OTOG: variants seen among roughly 807,000 people sequenced by gnomAD.
OTOG encodes otogelin.
OTOG carries 296 observed loss-of-function variants against 313.8 expected under a neutral mutation model. The ratio of observed to expected loss-of-function variants is 0.94; its 90% CI spans 0.86 to 1.04. OTOG has a LOEUF of 1.04. Ranked by LOEUF, OTOG falls within the 50% of genes least tolerant of loss-of-function variation. The pLI is 0.00. For synonymous variants in OTOG, 1,533 were observed against 1,554.9 expected (o/e 0.99, Z 0.33); for missense variants, 3,948 against 3,840.1 (o/e 1.03, Z -0.74).
intron 4 of OTOG, 135 bp downstream of exon 4, chr11:17,552,210 C>T (rs562165111): frequency 1.1e-5 from 9 of 844,198 alleles, no homozygotes; most frequent in Admixed American, 6.7e-5. Context: ...CTCCTTCCAC[C>T]CACTCTGGCC....
At chr11:17,608,478 A>G (rs1255248621) in intron 34 of OTOG, 65 bp downstream of exon 34, 2 of 1,120,500 alleles carry the variant, frequency 1.8e-6, no homozygotes, top group South Asian at 1.7e-5. Context: ...GTGCACTCAC[A>G]TACACTTGTG....
chr11:17,642,250 AG>A lies in OTOG; in HGVS notation c.8415+5del. ...CAATGAGACTGAGTGTGCCAAGGTC[AG>A]TGCCTCCTTCTCCACTGAGGCTGTA... On this transcript the variant is annotated splice_donor_5th_base_variant and intron_variant, in intron 53 of 55. Coordinates refer to ENST00000399397, the MANE Select transcript of OTOG (RefSeq NM_001292063.2). 1 of 1,546,964 alleles carries A rather than the reference AG, an allele frequency of 6.5e-7. No homozygotes were observed. Among genetic ancestry groups the A allele is most frequent in the Non-Finnish European group, 8.7e-7 (1 of 1,144,810 alleles).
rs1385001435 is a variant in OTOG at position 17,611,142 on chromosome 11, G to A, written c.5842G>A (p.Glu1948Lys). 3.2e-6 allele frequency: 5 copies of A among 1,550,492 alleles called. No individual in the cohort carries two copies. The highest frequency in any genetic ancestry group is 3.9e-5 in the Admixed American group (2 of 51,006). The change falls in exon 36 of 56, where the codon GAG becomes AAG. Residue 1948 changes from glutamate to lysine, a missense_variant. Transcript: ENST00000399397. ...CCACCCTCTCACGCCCTTGGTGGCT[G>A]AGCCCGAGGGAGCCCAGGCAGGCAC... ...TSHPLTPLVA[E>K]PEGAQAGTAL...
chr11:17,570,092 G>A, intron 16 of OTOG, 121 bp from the exon 17 acceptor site: 1 of 863,606 alleles, frequency 1.2e-6, no homozygotes, highest in Non-Finnish European at 1.8e-6. Context: ...AGGCAGGCAG[G>A]CAGGCAGGGG....
intron 24 of OTOG, among the ~76,000 whole-genome samples, chr11:17,590,360 A>C (rs888825509): frequency 6.6e-6 from 1 of 152,026 alleles, no homozygotes; most frequent in Non-Finnish European, 1.5e-5. Context: ...CCTGGAGTCA[A>C]CCTCGAGTCT....
chr11:17,576,016 A>C (rs1381769247), intron 20 of OTOG, among the ~76,000 whole-genome samples: 2 of 152,196 alleles, frequency 1.3e-5, no homozygotes, highest in African/African-American at 4.8e-5. Flanking sequence ...GAAAGACAGC[A>C]TAAGAATCCC....
In OTOG at chr11:17,573,381, CCTCCAGT is replaced by C. The variant is rs1325889359; in HGVS notation, c.2293+96_2293+102del. The C allele has an allele frequency of 1.7e-5, 22 of 1,278,284 alleles. No homozygotes were observed. In the African/African-American group the frequency reaches 3.3e-4, roughly 19 times the overall value. The allele number at this position is 1,278,284 out of a possible 1,614,324, so 79.2% of individuals were successfully genotyped here. ...CCCCTGAAAGTCTCCACTGGGATGC[CCTCCAGT>C]CTCCTCCAGCCTGACTGCACCCAGA... On this transcript the variant is annotated intron_variant, in intron 19 of 55. Coordinates refer to ENST00000399397, the MANE Select transcript of OTOG (RefSeq NM_001292063.2).
intron 14 of OTOG, among the ~76,000 whole-genome samples, chr11:17,561,457 G>A (rs1852180880): frequency 6.6e-6 from 1 of 152,120 alleles, no homozygotes; most frequent in South Asian, 2.1e-4. Context: ...GATCCCCAGG[G>A]CAGGGCTGTA....
chr11:17,634,193 C>A lies in OTOG; in HGVS notation c.7392C>A (p.Pro2464=). The part of the protein sequence containing the change: ...DTIVPVDLGC[P]SPRPESCLRF... ...TTGTCCCGGTGGATCTGGGCTGCCC[C>A]AGTCCCCGCCCTGAGAGCTGCCTGC... The change falls in exon 44 of 56, where the codon CCC becomes CCA. Residue 2464 remains proline, a synonymous_variant. Coordinates refer to ENST00000399397, the MANE Select transcript of OTOG (RefSeq NM_001292063.2). 1.3e-6 allele frequency: 2 copies of A among 1,550,422 alleles called. No homozygotes were observed. The highest frequency in any genetic ancestry group is 2.4e-5 in the South Asian group (2 of 84,048).
intron 31 of OTOG, 83 bp downstream of exon 31, chr11:17,599,780 C>T (rs1282841383): frequency 4.8e-6 from 7 of 1,463,240 alleles, no homozygotes; most frequent in South Asian, 3.7e-5. Flanking sequence ...TCAGCCATCC[C>T]GAGGCGCTGC....
At position 17,633,673 on chromosome 11, in the gene OTOG, C is replaced by T. The variant is rs1854187550; in HGVS notation, c.7073-7C>T. 4 of 1,519,628 alleles carry T rather than the reference C, an allele frequency of 2.6e-6. No individual in the cohort carries two copies. The African/African-American group carries it at 5.5e-5, about 21-fold the overall frequency. 94.1% of individuals were successfully genotyped at this position (1,519,628 alleles called of 1,614,324 possible). ...AGGTAGGCCTGGTGCCCACTGTGCC[C>T]CTGCAGCCTTCCTGTGCTCCAGCGA... On this transcript the variant is annotated splice_polypyrimidine_tract_variant and splice_region_variant and intron_variant, in intron 42 of 55. Transcript: ENST00000399397.
chr11:17,623,162 T>C (rs1206702173), intron 39 of OTOG, among the ~76,000 whole-genome samples: 1 of 152,220 alleles, frequency 6.6e-6, no homozygotes, highest in Non-Finnish European at 1.5e-5. Flanking sequence ...TTTATAACTT[T>C]TAAGTTCAGG....
At chr11:17,604,978 G>A (rs565938164) in intron 32 of OTOG, among the ~76,000 whole-genome samples, 2 of 152,240 alleles carry the variant, frequency 1.3e-5, no homozygotes, top group Non-Finnish European at 2.9e-5. Flanking sequence ...GGGGACACAG[G>A]GGACACATGG....
At position 17,611,302 on chromosome 11, in the gene OTOG, A is replaced by G. The variant is rs1356037218; in HGVS notation, c.6002A>G (p.Glu2001Gly). 3.2e-6 allele frequency: 5 copies of G among 1,550,372 alleles called. No homozygotes were observed. The highest frequency in any genetic ancestry group is 4.4e-6 in the Non-Finnish European group (5 of 1,146,986). ...TCGGCAGGGCCTCACCTGGCAGCAG[A>G]GCCGGTGGACGAGGCCACCACAGAA... ...GTSAGPHLAA[E>G]PVDEATTEPS... is the part of the protein sequence containing the mutation. Residue 2001 changes from glutamate to glycine, a missense_variant, in exon 36 of 56, where the codon GAG (glutamate) becomes GGG (glycine). Coordinates refer to ENST00000399397, the MANE Select transcript of OTOG (RefSeq NM_001292063.2).
chr11:17,613,081 G>A lies in OTOG; in HGVS notation c.6438+316G>A, dbSNP rs74729979. Among the ~76,000 whole-genome samples, 588 of 152,324 alleles carry A rather than the reference G, an allele frequency of 3.9e-3. 3 individuals are homozygous for A. Among genetic ancestry groups the A allele is most frequent in the African/African-American group, 0.014 (563 of 41,584 alleles). ...TGCCACTGCAATGGTGTGGCCCGAG[G>A]TCATGGGTGCTGGCTGCAGGGAATC... On this transcript the variant is annotated intron_variant, in intron 38 of 55. Coordinates refer to ENST00000399397, the MANE Select transcript of OTOG (RefSeq NM_001292063.2).
At chr11:17,562,994 G>A (rs977899183) in intron 15 of OTOG, among the ~76,000 whole-genome samples, 1 of 152,126 alleles carries the variant, frequency 6.6e-6, no homozygotes, top group Non-Finnish European at 1.5e-5. Flanking sequence ...GAGGGCACAG[G>A]GTGGATCTCT....
chr11:17,580,882 A>G (rs577806043), intron 23 of OTOG, among the ~76,000 whole-genome samples: 1 of 152,298 alleles, frequency 6.6e-6, no homozygotes, highest in South Asian at 2.1e-4. Context: ...TTCAGGTAAA[A>G]CGTAGTGAAT....
intron 39 of OTOG, among the ~76,000 whole-genome samples, chr11:17,614,316 G>T (rs1853671894): frequency 6.6e-6 from 1 of 152,276 alleles, no homozygotes; most frequent in African/African-American, 2.4e-5. Context: ...TTGAACACAG[G>T]GTGCGGCACA....
chr11:17,638,864 AAGGCG>A, intron 48 of OTOG: 1 of 1,171,800 alleles, frequency 8.5e-7, no homozygotes, highest in East Asian at 4.8e-5. Flanking sequence ...TTGAGAGGCC[AAGGCG>A]GGTGGATCAT....
Sources: allele counts gnomAD v4.1 joint callset (sites outside exome capture counted in the v4.1 genomes callset), GRCh38; gene constraint gnomAD v4.1.1; transcripts MANE v1.5; gene names NCBI Gene and HGNC (gene_info 2026-07-23, HGNC 2026-07-21).